MYT1L: variants seen among roughly 807,000 people sequenced by gnomAD.
MYT1L encodes myelin transcription factor 1-like protein.
Under a neutral mutation model 126.7 loss-of-function variants are expected in MYT1L, and 12 were observed. That is an observed-to-expected ratio of 0.09 (90% CI 0.06 to 0.15). The LOEUF is 0.15. Among genes scored for constraint, MYT1L ranks in the 10% least tolerant of loss-of-function variants. MYT1L has a pLI of 1.00. For missense variants in MYT1L, 979 were observed against 1,585.2 expected (o/e 0.62, Z 6.49); for synonymous variants, 541 against 604.2 (o/e 0.90, Z 1.53).
chr2:1,987,310 GTTTT>G (rs765457477), intron 5 of MYT1L, among the ~76,000 whole-genome samples: 2 of 148,750 alleles, frequency 1.3e-5, no homozygotes, highest in South Asian at 2.1e-4. Context: ...CTTGATTTCT[GTTTT>G]TTTTGTTTTT....
In MYT1L at chr2:1,851,644, C is replaced by A; in HGVS notation, c.2771G>T (p.Arg924Leu). ...GAAGAGTAGCATCTCTACATACCTC[C>A]GATGAGAAGCATAATTGCCGGTGAT... ...GHITGNYASH[R>L]SLSGCPRAKK... Residue 924 changes from arginine (R) to leucine (L), a missense_variant, in exon 19 of 25, where the codon CGG becomes CTG. By Grantham distance (102) the Arg-to-Leu change is moderately radical. Transcript: ENST00000647738. The A allele has an allele frequency of 6.2e-7, 1 of 1,613,456 alleles. No homozygotes were observed. Among genetic ancestry groups the A allele is most frequent in the Non-Finnish European group, 8.5e-7 (1 of 1,179,500 alleles).
intron 2 of MYT1L, among the ~76,000 whole-genome samples, chr2:2,179,362 G>A (rs1046713669): frequency 6.6e-6 from 1 of 152,180 alleles, no homozygotes; most frequent in African/African-American, 2.4e-5. Flanking sequence ...TGAGTTCTGA[G>A]TTAGCTTAGA....
chr2:2,177,547 C>T (rs1215337668), intron 2 of MYT1L, among the ~76,000 whole-genome samples: 1 of 152,130 alleles, frequency 6.6e-6, no homozygotes, highest in African/African-American at 2.4e-5. Context: ...GCCTGAGACT[C>T]GGCAGTTTAC....
At chr2:2,278,820 A>AT in intron 2 of MYT1L, among the ~76,000 whole-genome samples, 1 of 152,310 alleles carries the variant, frequency 6.6e-6, no homozygotes. Flanking sequence ...GACAGTGGTG[A>AT]ACTATGAAGG....
intron 18 of MYT1L, among the ~76,000 whole-genome samples, chr2:1,885,849 C>T (rs2048108462): frequency 6.6e-6 from 1 of 152,198 alleles, no homozygotes; most frequent in Non-Finnish European, 1.5e-5. Flanking sequence ...GACTTCTACC[C>T]ACTTCTTCCA....
chr2:2,257,338 C>G (rs541028077), intron 2 of MYT1L, among the ~76,000 whole-genome samples: 1 of 152,276 alleles, frequency 6.6e-6, no homozygotes, highest in African/African-American at 2.4e-5. Context: ...TCGATGATGT[C>G]TTAATGCCCT....
At chr2:1,915,267 T>C (rs1342713375) in intron 11 of MYT1L, among the ~76,000 whole-genome samples, 1 of 152,186 alleles carries the variant, frequency 6.6e-6, no homozygotes, top group Non-Finnish European at 1.5e-5. Context: ...TAAATGCTTG[T>C]GGTGTTATAA....
Position 1,923,054 on chromosome 2 carries a change from T to G in MYT1L, c.715A>C (p.Lys239Gln). Residue 239 changes from lysine to glutamine, a missense_variant, in exon 10 of 25, where the codon AAA becomes CAA. Physicochemically the swap from Lys to Gln is moderately conservative, Grantham distance 53. This residue lies in a region of MYT1L where 243 missense variants were observed against 363.9 expected (regional missense o/e 0.67). Coordinates refer to ENST00000647738, the MANE Select transcript of MYT1L (RefSeq NM_001303052.2). ...TSNSLEDDSD[K>Q]NENLGRKSEL... Reference sequence around the variant, plus strand: ...CTTTTCCGACCCAGGTTTTCGTTTTTGTCACTATCGTCTTCCAGACTATTG... The same window carrying G: ...CTTTTCCGACCCAGGTTTTCGTTTTGGTCACTATCGTCTTCCAGACTATTG... 6.2e-7 allele frequency: 1 copy of G among 1,614,060 alleles called. No individual in the cohort carries two copies. Among genetic ancestry groups the G allele is most frequent in the East Asian group, 2.2e-5 (1 of 44,874 alleles).
At chr2:2,094,452 G>A (rs1377303589) in intron 3 of MYT1L, among the ~76,000 whole-genome samples, 1 of 152,124 alleles carries the variant, frequency 6.6e-6, no homozygotes, top group Non-Finnish European at 1.5e-5. Context: ...AAATCATGCT[G>A]CTATAAAGAC....
intron 11 of MYT1L, among the ~76,000 whole-genome samples, chr2:1,916,361 C>T (rs1035913458): frequency 6.6e-6 from 1 of 152,102 alleles, no homozygotes; most frequent in Non-Finnish European, 1.5e-5. Flanking sequence ...ATGACATGTT[C>T]CCCACTAGAA....
chr2:2,329,551 C>T (rs567440442), intron 1 of MYT1L, among the ~76,000 whole-genome samples: 1 of 151,880 alleles, frequency 6.6e-6, no homozygotes, highest in East Asian at 1.9e-4. Context: ...TCTTTAAATG[C>T]ACAATTAATA....
chr2:2,297,724 G>T (rs1459921689), intron 1 of MYT1L, among the ~76,000 whole-genome samples: 1 of 152,138 alleles, frequency 6.6e-6, no homozygotes, highest in Non-Finnish European at 1.5e-5. Context: ...ACAGCATGAA[G>T]CATTGCCCTC....
intron 2 of MYT1L, among the ~76,000 whole-genome samples, chr2:2,238,954 A>G (rs1046428689): frequency 6.6e-6 from 1 of 152,192 alleles, no homozygotes; most frequent in African/African-American, 2.4e-5. Flanking sequence ...GAGCCTGCAC[A>G]AAGAGTGAGA....
chr2:2,057,613 C>G (rs1218632405), intron 3 of MYT1L, among the ~76,000 whole-genome samples: 1 of 152,222 alleles, frequency 6.6e-6, no homozygotes, highest in Non-Finnish European at 1.5e-5. Context: ...TCAGAGCCAA[C>G]TCTCCTACCC....
At chr2:1,956,553 TA>T (rs2058462133) in intron 8 of MYT1L, among the ~76,000 whole-genome samples, 6 of 141,314 alleles carry the variant, frequency 4.2e-5, no homozygotes, top group African/African-American at 1.3e-4. Context: ...ATCTATCATC[TA>T]TCCTATTCTA....
chr2:2,170,030 C>T (rs1486583327), intron 3 of MYT1L, among the ~76,000 whole-genome samples: 1 of 152,200 alleles, frequency 6.6e-6, no homozygotes, highest in Non-Finnish European at 1.5e-5. Flanking sequence ...ACAGAGGTGG[C>T]AACCTTGCTC....
intron 1 of MYT1L, among the ~76,000 whole-genome samples, chr2:2,302,410 A>G (rs2095798762): frequency 6.6e-6 from 1 of 152,194 alleles, no homozygotes; most frequent in South Asian, 2.1e-4. Flanking sequence ...GAGTTTGTTC[A>G]TCTATATAAG....
intron 2 of MYT1L, among the ~76,000 whole-genome samples, chr2:2,278,976 C>A (rs919470738): frequency 6.6e-6 from 1 of 152,120 alleles, no homozygotes; most frequent in African/African-American, 2.4e-5. Flanking sequence ...CTGGGAGGCA[C>A]CTTCACTAGG....
intron 8 of MYT1L, among the ~76,000 whole-genome samples, chr2:1,956,595 TCTATCTATCTATCTATCTATCTATCTAC>T (rs1204263904): frequency 6.7e-6 from 1 of 150,160 alleles, no homozygotes; most frequent in African/African-American, 2.5e-5. Flanking sequence ...TATCTATCTA[TCTATCTATCTATCTATCTATCTATCTAC>T]CTACCTACCT....
Sources: gnomAD v4.1 joint callset for allele counts (sites outside exome capture counted in the v4.1 genomes callset) on GRCh38, gnomAD v4.1.1 for gene constraint, gnomAD v4.1.1 regional missense constraint, MANE v1.5 for transcripts, NCBI Gene and HGNC (gene_info 2026-07-23, HGNC 2026-07-21) for gene names.